PACSIN1: variants seen among roughly 807,000 people sequenced by gnomAD.
PACSIN1 encodes protein kinase C and casein kinase substrate in neurons protein 1.
A neutral mutation model predicts 59.5 loss-of-function variants in PACSIN1; 15 were observed. The observed-to-expected ratio is 0.25, with a 90% CI of 0.17 to 0.39. PACSIN1 has a LOEUF of 0.39. PACSIN1 is among the 10% of genes least tolerant of loss of function. The pLI, the probability that PACSIN1 is intolerant of heterozygous loss-of-function variation, is 1.00. For synonymous variants in PACSIN1, 210 were observed against 220.6 expected, an observed-to-expected ratio of 0.95 and a Z score of 0.42; for missense variants, 420 against 580.2, an observed-to-expected ratio of 0.72 and a Z score of 2.84.
rs1184020752 is a variant in PACSIN1, at chr6:34,518,385, C to G, written c.-63-7858C>G. ...TGCAGAGTGGCCAAGTGTGTGCTGA[C>G]TGGTGTTGAGAAAAGAGATGCCCCA... On this transcript the variant is annotated intron_variant, in intron 1 of 9. Coordinates refer to ENST00000244458, the MANE Select transcript of PACSIN1 (RefSeq NM_020804.5). The surrounding 1 kb of genome is among the most constrained non-coding windows in gnomAD (Gnocchi z 4.4). Among the ~76,000 whole-genome samples, 1 of 152,188 alleles carries G rather than the reference C, an allele frequency of 6.6e-6. No individual in the cohort carries two copies. The highest frequency in any genetic ancestry group is 2.4e-5 in the African/African-American group (1 of 41,446).
At position 34,474,026 on chromosome 6, in the gene PACSIN1, T is replaced by C. The variant is rs142037417; in HGVS notation, c.-64+7756T>C. 1.0e-3 allele frequency among the ~76,000 whole-genome samples: 155 copies of C among 152,350 alleles called. 4 individuals carry two copies. In the East Asian group the frequency reaches 0.025, roughly 25 times the overall value. On this transcript the variant is annotated intron_variant, in intron 1 of 9. Transcript: ENST00000244458. ...AGTTCCAGGTAAAGTTCACACGTTA[T>C]GATTGGTTGATATGTCTTAGTCTCT...
rs1325126141 is a variant in PACSIN1, at chr6:34,514,007, T to C, written c.-63-12236T>C. 6.6e-6 allele frequency among the ~76,000 whole-genome samples: 1 copy of C among 152,216 alleles called. No individual in the cohort carries two copies. Among genetic ancestry groups the C allele is most frequent in the African/African-American group, 2.4e-5 (1 of 41,446 alleles). On this transcript the variant is annotated intron_variant, in intron 1 of 9. Coordinates refer to ENST00000244458, the MANE Select transcript of PACSIN1 (RefSeq NM_020804.5). This position sits in a 1 kb window ranked among gnomAD's most constrained non-coding sequence, Gnocchi z 4.4. ...GTTACAGGTTCTGAATCCATGTAGATGTGTGTGCACGTGTCTTAAAGATGT... is the reference window on the plus strand; with the variant it reads ...GTTACAGGTTCTGAATCCATGTAGACGTGTGTGCACGTGTCTTAAAGATGT...
intron 1 of PACSIN1, among the ~76,000 whole-genome samples, chr6:34,501,881 AAT>A (rs1438915139): frequency 6.6e-6 from 1 of 151,996 alleles, no homozygotes; most frequent in Non-Finnish European, 1.5e-5. Context: ...ATACAAAAAA[AAT>A]TAGCCAGGTG....
At chr6:34,528,915 G>GCCCGGGGGGGGGGGGGGGGGC in intron 4 of PACSIN1, 38 bp downstream of exon 4, 4 of 653,170 alleles carry the variant, frequency 6.1e-6, no homozygotes, top group East Asian at 4.3e-5. Context: ...GGTGGGGTGG[G>GCCCGGGGGGGGGGGGGGGGGC]CCCGTCTGAT....
chr6:34,467,395 G>C (rs756551729), intron 1 of PACSIN1, among the ~76,000 whole-genome samples: 11 of 152,168 alleles, frequency 7.2e-5, no homozygotes, highest in Non-Finnish European at 1.5e-4. Context: ...AAAATATCTT[G>C]TGGAATGCAT....
intron 1 of PACSIN1, among the ~76,000 whole-genome samples, chr6:34,502,128 A>G (rs1767034630): frequency 6.6e-6 from 1 of 151,780 alleles, no homozygotes; most frequent in African/African-American, 2.4e-5. Flanking sequence ...ACCTGTGAAC[A>G]CTATCTCCTG....
intron 1 of PACSIN1, among the ~76,000 whole-genome samples, chr6:34,524,417 C>T (rs1767449192): frequency 6.6e-6 from 1 of 152,190 alleles, no homozygotes; most frequent in Non-Finnish European, 1.5e-5. Context: ...GTCTCTCTCC[C>T]CCTGCGTCCC....
intron 1 of PACSIN1, among the ~76,000 whole-genome samples, chr6:34,467,553 C>CT (rs61324041): frequency 0.32 from 28,822 of 90,774 alleles, 5,563 homozygotes; most frequent in African/African-American, 0.38. Flanking sequence ...TAGGCCCTTC[C>CT]TTTTTTTTTT....
At position 34,518,835 on chromosome 6, in the gene PACSIN1, C is replaced by T. The variant is rs1767338033; in HGVS notation, c.-63-7408C>T. On this transcript the variant is annotated intron_variant, in intron 1 of 9. Coordinates refer to ENST00000244458, the MANE Select transcript of PACSIN1 (RefSeq NM_020804.5). This position sits in a 1 kb window ranked among gnomAD's most constrained non-coding sequence, Gnocchi z 4.4. ...TGTATTTTCTTCTTGGCTTTTTGCC[C>T]ATGCTGGAATGTAAGCTCCATGAGG... is the stretch of plus-strand genomic sequence containing the variant. 6.6e-6 allele frequency among the ~76,000 whole-genome samples: 1 copy of T among 152,188 alleles called. No homozygotes were observed. The highest frequency in any genetic ancestry group is 2.4e-5 in the African/African-American group (1 of 41,452).
intron 1 of PACSIN1, among the ~76,000 whole-genome samples, chr6:34,491,226 A>G: frequency 6.6e-6 from 1 of 152,038 alleles, no homozygotes; most frequent in East Asian, 1.9e-4. Context: ...GCCTTAAATT[A>G]GTGATGAGTC....
At position 34,532,485 on chromosome 6, in the gene PACSIN1, C is replaced by A. The variant is rs758543656; in HGVS notation, c.1290C>A (p.Ser430Arg). Residue 430 changes from serine (S) to arginine (R), a missense_variant, in exon 10 of 10, where the codon AGC (serine) becomes AGA (arginine). Ser to Arg is a moderately radical substitution (Grantham distance 110, BLOSUM62 -1). Coordinates refer to ENST00000244458, the MANE Select transcript of PACSIN1 (RefSeq NM_020804.5). The surrounding 1 kb of genome is among the most constrained non-coding windows in gnomAD (Gnocchi z 5.2). ...EQGWCRGRLDSGQLGLYPANY... is the reference protein window; with the variant it reads ...EQGWCRGRLDRGQLGLYPANY... ...GCTGGTGCCGTGGGCGGCTGGACAGCGGGCAGCTGGGCCTCTACCCTGCCA... is the reference window on the plus strand; with the variant it reads ...GCTGGTGCCGTGGGCGGCTGGACAGAGGGCAGCTGGGCCTCTACCCTGCCA... The A allele has an allele frequency of 1.3e-6, 2 of 1,570,034 alleles. No individual in the cohort carries two copies. The highest frequency in any genetic ancestry group is 1.7e-6 in the Non-Finnish European group (2 of 1,157,126).
intron 3 of PACSIN1, among the ~76,000 whole-genome samples, chr6:34,528,237 T>C (rs59778290): frequency 0.051 from 7,801 of 152,304 alleles, 370 homozygotes; most frequent in African/African-American, 0.11. Flanking sequence ...CAGTGGCCTC[T>C]TGGCATCTGT....
chr6:34,467,755 T>C (rs1254412628), intron 1 of PACSIN1, among the ~76,000 whole-genome samples: 2 of 151,978 alleles, frequency 1.3e-5, no homozygotes, highest in East Asian at 3.9e-4. Context: ...ACGGGGTTTC[T>C]CCATGTTGGT....
intron 1 of PACSIN1, among the ~76,000 whole-genome samples, chr6:34,467,371 G>A (rs1207857851): frequency 2.6e-5 from 4 of 152,282 alleles, no homozygotes; most frequent in Non-Finnish European, 5.9e-5. Context: ...ACCAAAGCAG[G>A]GTTTGGCACC....
Position 34,531,502 on chromosome 6 carries a change from G to A in PACSIN1, c.1038-98G>A, listed in dbSNP as rs1003119409. 1 of 1,268,240 alleles carries A rather than the reference G, an allele frequency of 7.9e-7. No individual in the cohort carries two copies. Among genetic ancestry groups the A allele is most frequent in the African/African-American group, 1.5e-5 (1 of 67,520 alleles). 78.6% of individuals were successfully genotyped at this position (1,268,240 alleles called of 1,614,324 possible). On this transcript the variant is annotated intron_variant, in intron 8 of 9. Coordinates refer to ENST00000244458, the MANE Select transcript of PACSIN1 (RefSeq NM_020804.5). This position sits in a 1 kb window ranked among gnomAD's most constrained non-coding sequence, Gnocchi z 4.4. ...GTGGCCAATCCTTGCTCTAGCCTTG[G>A]TAGAATTCGGGATCAGGGCTCTGAT...
chr6:34,505,308 T>C (rs1767092123), intron 1 of PACSIN1, among the ~76,000 whole-genome samples: 1 of 152,180 alleles, frequency 6.6e-6, no homozygotes, highest in Non-Finnish European at 1.5e-5. Context: ...ATGATGTGCC[T>C]TGGAGTGGAT....
chr6:34,516,257 G>A lies in PACSIN1; in HGVS notation c.-63-9986G>A, dbSNP rs562021010. On this transcript the variant is annotated intron_variant, in intron 1 of 9. Coordinates refer to ENST00000244458, the MANE Select transcript of PACSIN1 (RefSeq NM_020804.5). This position sits in a 1 kb window ranked among gnomAD's most constrained non-coding sequence, Gnocchi z 5.4. ...CTGAGGAGGGGTCACATGATGGGTA[G>A]GGGCATACACGCTGAGAAGCTGGCG... is the stretch of plus-strand genomic sequence containing the variant. 6.6e-6 allele frequency among the ~76,000 whole-genome samples: 1 copy of A among 152,280 alleles called. No individual in the cohort carries two copies. The highest frequency in any genetic ancestry group is 2.1e-4 in the South Asian group (1 of 4,830).
intron 1 of PACSIN1, among the ~76,000 whole-genome samples, chr6:34,507,912 T>C (rs1767138288): frequency 6.6e-6 from 1 of 152,258 alleles, no homozygotes; most frequent in Non-Finnish European, 1.5e-5. Flanking sequence ...ATTATTCCAC[T>C]GTGTGTATAT....
chr6:34,532,465 T>C lies in PACSIN1; in HGVS notation c.1270T>C (p.Cys424Arg). The C allele has an allele frequency of 6.3e-7, 1 of 1,577,132 alleles. No individual in the cohort carries two copies. Among genetic ancestry groups the C allele is most frequent in the Non-Finnish European group, 8.6e-7 (1 of 1,160,996 alleles). Residue 424 changes from cysteine to arginine, a missense_variant, in exon 10 of 10, where the codon TGC becomes CGC. Physicochemically the swap from Cys to Arg is radical, Grantham distance 180. Transcript: ENST00000244458. This position sits in a 1 kb window ranked among gnomAD's most constrained non-coding sequence, Gnocchi z 5.2. The stretch of plus-strand genomic sequence containing the variant: ...GGGCGAGGAGGATGAGCAGGGCTGG[T>C]GCCGTGGGCGGCTGGACAGCGGGCA... The part of the protein sequence containing the change: ...KLGEEDEQGW[C>R]RGRLDSGQLG...
Sources: gnomAD v4.1 joint callset for allele counts (sites outside exome capture counted in the v4.1 genomes callset) on GRCh38, gnomAD v4.1.1 for gene constraint, Gnocchi (gnomAD v3.1) non-coding constraint, MANE v1.5 for transcripts, NCBI Gene and HGNC (gene_info 2026-07-23, HGNC 2026-07-21) for gene names.